FHIT: variants seen among roughly 807,000 people sequenced by gnomAD.
FHIT encodes bis(5'-adenosyl)-triphosphatase.
FHIT carries 19 observed loss-of-function variants against 17.9 expected under a neutral mutation model. The ratio of observed to expected loss-of-function variants is 1.06; its 90% CI spans 0.74 to 1.56. The LOEUF is 1.56. Ranked by LOEUF, FHIT falls within the 40% of genes most tolerant of loss-of-function variation. The pLI, the probability that FHIT is intolerant of heterozygous loss-of-function variation, is 0.00. For missense variants in FHIT, 248 were observed against 189.2 expected, an observed-to-expected ratio of 1.31 and a Z score of -1.82; for synonymous variants, 81 against 69.7, an observed-to-expected ratio of 1.16 and a Z score of -0.81.
At chr3:60,190,946 A>G (rs1702376902) in intron 5 of FHIT, among the ~76,000 whole-genome samples, 1 of 152,104 alleles carries the variant, frequency 6.6e-6, no homozygotes, top group East Asian at 1.9e-4. Flanking sequence ...CCATCTCAAA[A>G]AAAAACTAAG....
At chr3:60,316,166 C>T (rs1230022223) in intron 5 of FHIT, among the ~76,000 whole-genome samples, 1 of 152,088 alleles carries the variant, frequency 6.6e-6, no homozygotes, top group African/African-American at 2.4e-5. Context: ...TTTTGTATAG[C>T]TTAAGGATAC....
intron 7 of FHIT, among the ~76,000 whole-genome samples, chr3:59,951,485 C>G (rs977947373): frequency 2.0e-5 from 3 of 152,108 alleles, no homozygotes; most frequent in Non-Finnish European, 4.4e-5. Flanking sequence ...TGTCTTTTAC[C>G]CAGACAAGGA....
chr3:59,847,585 G>C (rs1701767967), intron 8 of FHIT, among the ~76,000 whole-genome samples: 1 of 152,112 alleles, frequency 6.6e-6, no homozygotes. Context: ...TTTCAGCTCA[G>C]TGTCCATTGG....
chr3:60,282,869 G>A (rs1948561), intron 5 of FHIT, among the ~76,000 whole-genome samples: 39,051 of 151,980 alleles, frequency 0.26, 5,720 homozygotes, highest in East Asian at 0.69. Flanking sequence ...AAACAAGTAG[G>A]AAGATTCTTA....
intron 8 of FHIT, among the ~76,000 whole-genome samples, chr3:59,756,710 TG>T (rs1374693167): frequency 6.6e-6 from 1 of 152,194 alleles, no homozygotes; most frequent in Non-Finnish European, 1.5e-5. Context: ...CAAAGTTGCC[TG>T]GCTGTGAATC....
chr3:60,376,045 G>C (rs931937007), intron 5 of FHIT, among the ~76,000 whole-genome samples: 1 of 152,176 alleles, frequency 6.6e-6, no homozygotes, highest in South Asian at 2.1e-4. Flanking sequence ...AGCAGAAGAA[G>C]ACAGCTCCTG....
chr3:60,815,999 G>A (rs1398842022), intron 4 of FHIT, among the ~76,000 whole-genome samples: 2 of 151,746 alleles, frequency 1.3e-5, no homozygotes, highest in Non-Finnish European at 2.9e-5. Flanking sequence ...ATTTTTTCAG[G>A]CTATTGTAAA....
intron 8 of FHIT, among the ~76,000 whole-genome samples, chr3:59,783,815 C>A (rs1328618146): frequency 6.6e-6 from 1 of 152,130 alleles, no homozygotes; most frequent in Non-Finnish European, 1.5e-5. Context: ...AAACCAATGT[C>A]TTGGGACAAG....
chr3:60,459,002 G>A lies in FHIT; in HGVS notation c.103+77858C>T, dbSNP rs1341856725. 2.0e-5 allele frequency among the ~76,000 whole-genome samples: 3 copies of A among 151,708 alleles called. No homozygotes were observed. In the East Asian group the frequency reaches 5.8e-4, roughly 29 times the overall value. The stretch of plus-strand genomic sequence containing the variant: ...TCACTATGCTGCTAGGGCTGGTTTC[G>A]AGCTCCTGGGCTCAAGCGATCCTCC... On this transcript the variant is annotated intron_variant, in intron 5 of 9. Transcript: ENST00000492590.
At chr3:60,258,131 AT>A (rs1323463351) in intron 5 of FHIT, among the ~76,000 whole-genome samples, 1 of 151,608 alleles carries the variant, frequency 6.6e-6, no homozygotes, top group African/African-American at 2.4e-5. Flanking sequence ...ACTCCATCAT[AT>A]ATCAGCAGGG....
chr3:60,543,483 T>C (rs2036252531), intron 4 of FHIT, among the ~76,000 whole-genome samples: 1 of 152,240 alleles, frequency 6.6e-6, no homozygotes, highest in Admixed American at 6.5e-5. Flanking sequence ...GCTGCATTTA[T>C]GCTCTTTAAT....
chr3:60,115,812 A>G (rs1704931267), intron 5 of FHIT, among the ~76,000 whole-genome samples: 1 of 152,214 alleles, frequency 6.6e-6, no homozygotes, highest in South Asian at 2.1e-4. Flanking sequence ...AAAATGTACA[A>G]ACACGAATAG....
intron 5 of FHIT, among the ~76,000 whole-genome samples, chr3:60,022,809 G>A (rs905797045): frequency 1.3e-5 from 2 of 152,098 alleles, no homozygotes; most frequent in Non-Finnish European, 2.9e-5. Context: ...TCAATTAGAC[G>A]GCAATAAAAA....
intron 5 of FHIT, among the ~76,000 whole-genome samples, chr3:60,406,509 G>GGCCCCGC: frequency 6.6e-6 from 1 of 152,170 alleles, no homozygotes; most frequent in African/African-American, 2.4e-5. Flanking sequence ...CGGCACTTCA[G>GGCCCCGC]AGAAATCAAT....
intron 5 of FHIT, among the ~76,000 whole-genome samples, chr3:60,418,557 C>CA (rs1702350994): frequency 1.1e-5 from 1 of 95,222 alleles, no homozygotes; most frequent in African/African-American, 3.9e-5. Context: ...TCCCTCCCAA[C>CA]TTTTTTTTTT....
intron 4 of FHIT, among the ~76,000 whole-genome samples, chr3:60,720,686 A>G (rs543605987): frequency 7.2e-4 from 109 of 152,252 alleles, no homozygotes; most frequent in African/African-American, 2.5e-3. Context: ...TTAAAACTCT[A>G]CAGGAGATTC....
intron 5 of FHIT, among the ~76,000 whole-genome samples, chr3:60,397,422 G>A (rs567995809): frequency 5.3e-5 from 8 of 152,256 alleles, no homozygotes; most frequent in Non-Finnish European, 1.0e-4. Flanking sequence ...AGGTCTGGCA[G>A]GCCAACTAGG....
At chr3:59,772,138 T>A (rs1352181162) in intron 8 of FHIT, among the ~76,000 whole-genome samples, 3 of 152,206 alleles carry the variant, frequency 2.0e-5, no homozygotes, top group African/African-American at 7.2e-5. Context: ...GGGGGAGCTC[T>A]GCTGTGCTTC....
intron 5 of FHIT, among the ~76,000 whole-genome samples, chr3:60,031,608 C>T (rs1267559583): frequency 2.6e-5 from 4 of 152,098 alleles, no homozygotes. Flanking sequence ...TCAGAGTAAC[C>T]AAACAGCACC....
Sources: gnomAD v4.1 joint callset for allele counts (sites outside exome capture counted in the v4.1 genomes callset) on GRCh38, gnomAD v4.1.1 for gene constraint, MANE v1.5 for transcripts, NCBI Gene and HGNC (gene_info 2026-07-23, HGNC 2026-07-21) for gene names.